PRIMPOL: variants seen among roughly 807,000 people sequenced by gnomAD.
The protein encoded by PRIMPOL is DNA-directed primase/polymerase protein.
Under a neutral mutation model 63.6 loss-of-function variants are expected in PRIMPOL, and 54 were observed. That is an observed-to-expected ratio of 0.85 (90% CI 0.68 to 1.07). The LOEUF (loss-of-function observed/expected upper bound fraction) is 1.07. Among genes scored for constraint, PRIMPOL ranks in the 50% least tolerant of loss-of-function variants. The pLI, the probability that PRIMPOL is intolerant of heterozygous loss-of-function variation, is 0.00. For missense variants in PRIMPOL, 610 were observed against 648.3 expected (o/e 0.94, Z 0.64); for synonymous variants, 197 against 220.2 (o/e 0.89, Z 0.93).
At chr4:184,691,155 T>C (rs1479681745) in intron 11 of PRIMPOL, among the ~76,000 whole-genome samples, 1 of 152,214 alleles carries the variant, frequency 6.6e-6, no homozygotes, top group South Asian at 2.1e-4. Flanking sequence ...ACTGAGAGTA[T>C]GTTTTTTAAA....
At position 184,685,416 on chromosome 4, in the gene PRIMPOL, C is replaced by G. The variant is rs750422745; in HGVS notation, c.1104C>G (p.Thr368=). The change falls in exon 10 of 14, where the codon ACC becomes ACG. Residue 368 remains threonine, a synonymous_variant. Coordinates refer to ENST00000314970, the MANE Select transcript of PRIMPOL (RefSeq NM_152683.4). The part of the protein sequence containing the change: ...YFNSIGTSVE[T]IEGFQCSPYP... ...CCATTCTCTCTGTTGCAGTAGAAAC[C>G]ATTGAAGGTTTTCAGTGTTCTCCCT... 2 of 1,605,518 alleles carry G rather than the reference C, an allele frequency of 1.2e-6. No individual in the cohort carries two copies. Among genetic ancestry groups the G allele is most frequent in the Non-Finnish European group, 1.7e-6 (2 of 1,172,418 alleles).
chr4:184,691,749 G>A (rs570397803), intron 13 of PRIMPOL, 37 bp downstream of exon 13: 4 of 1,509,964 alleles, frequency 2.6e-6, no homozygotes, highest in African/African-American at 1.4e-5. Flanking sequence ...CCTTACCAGG[G>A]AGTTCTTGGT....
At chr4:184,667,404 G>A (rs145607534) in intron 6 of PRIMPOL, among the ~76,000 whole-genome samples, 3,974 of 151,848 alleles carry the variant, frequency 0.026, 190 homozygotes, top group African/African-American at 0.091. Context: ...TCCGCCTCCC[G>A]GGTTCAAGCG....
intron 6 of PRIMPOL, among the ~76,000 whole-genome samples, chr4:184,668,388 C>G (rs1472131398): frequency 1.3e-5 from 2 of 152,278 alleles, no homozygotes; most frequent in Non-Finnish European, 2.9e-5. Flanking sequence ...CTGATTCTGC[C>G]ACCTGTGTGC....
At chr4:184,679,364 G>A (rs1754988108) in intron 8 of PRIMPOL, among the ~76,000 whole-genome samples, 1 of 152,182 alleles carries the variant, frequency 6.6e-6, no homozygotes. Context: ...GCTGAGGTAG[G>A]AGGATCACTT....
rs531726279 is a variant in PRIMPOL, at chr4:184,690,643, A to G, written c.1296-856A>G. Among the ~76,000 whole-genome samples, 6 of 152,224 alleles carry G rather than the reference A, an allele frequency of 3.9e-5. No individual in the cohort carries two copies. In the South Asian group the frequency reaches 1.2e-3, roughly 32 times the overall value. On this transcript the variant is annotated intron_variant, in intron 11 of 13. Coordinates refer to ENST00000314970, the MANE Select transcript of PRIMPOL (RefSeq NM_152683.4). ...CCCAGCTAATTTTTGTATTTTCAGTATAGACGGGGTTTCACTATGTTGGCC... is the reference window on the plus strand; with the variant it reads ...CCCAGCTAATTTTTGTATTTTCAGTGTAGACGGGGTTTCACTATGTTGGCC...
Position 184,685,650 on chromosome 4 carries a change from A to T in PRIMPOL, c.1261A>T (p.Asn421Tyr). The change falls in exon 11 of 14, where the codon AAC becomes TAC. Residue 421 changes from asparagine to tyrosine, a missense_variant. This residue lies in a region of PRIMPOL where 444 missense variants were observed against 456.4 expected (regional missense o/e 0.97). Coordinates refer to ENST00000314970, the MANE Select transcript of PRIMPOL (RefSeq NM_152683.4). Reference protein sequence around the residue: ...YDICKYRWCENIGRAHKSNNI... With the variant: ...YDICKYRWCEYIGRAHKSNNI... ...TATTTGTAAATATCGGTGGTGTGAA[A>T]ACATTGGAAGAGCCCATAAGAGTAA... The T allele has an allele frequency of 6.2e-7, 1 of 1,605,308 alleles. No individual in the cohort carries two copies. The highest frequency in any genetic ancestry group is 8.5e-7 in the Non-Finnish European group (1 of 1,172,270).
In PRIMPOL at chr4:184,678,289, G is replaced by C. The variant is rs200656576; in HGVS notation, c.902G>C (p.Arg301Pro). ...RLYKSSKIGK[R>P]VALEVTEDNK... is the part of the protein sequence containing the mutation. ...TATAAATCATCAAAAATTGGAAAGC[G>C]TGTGGCTTTGGAGGTTACTGAAGAT... Residue 301 changes from arginine (R) to proline (P), a missense_variant, in exon 8 of 14, where the codon CGT (arginine) becomes CCT (proline). By Grantham distance (103) the Arg-to-Pro change is moderately radical. Around this residue, in one of 3 missense-constraint regions of PRIMPOL, gnomAD observed 444 missense variants for 456.4 expected, o/e 0.97. Coordinates refer to ENST00000314970, the MANE Select transcript of PRIMPOL (RefSeq NM_152683.4). 5 of 1,604,338 alleles carry C rather than the reference G, an allele frequency of 3.1e-6. No individual in the cohort carries two copies. The highest frequency in any genetic ancestry group is 2.3e-5 in the East Asian group (1 of 44,186).
At chr4:184,684,301 CA>C (rs1317192546) in intron 9 of PRIMPOL, among the ~76,000 whole-genome samples, 3 of 151,970 alleles carry the variant, frequency 2.0e-5, no homozygotes, top group Non-Finnish European at 4.4e-5. Context: ...ACTAAAAATA[CA>C]AAAATTAGCA....
chr4:184,683,922 A>T (rs1756326569), intron 9 of PRIMPOL, among the ~76,000 whole-genome samples: 1 of 150,906 alleles, frequency 6.6e-6, no homozygotes, highest in South Asian at 2.1e-4. Context: ...CCCATTTGTG[A>T]TGTTAAAAGA....
chr4:184,668,393 G>A (rs985513348), intron 6 of PRIMPOL, among the ~76,000 whole-genome samples: 31 of 152,262 alleles, frequency 2.0e-4, no homozygotes, highest in African/African-American at 7.5e-4. Context: ...TCTGCCACCT[G>A]TGTGCCTCAA....
At chr4:184,651,808 C>T (rs1351627602) in intron 1 of PRIMPOL, among the ~76,000 whole-genome samples, 2 of 152,152 alleles carry the variant, frequency 1.3e-5, no homozygotes, top group South Asian at 4.1e-4. Flanking sequence ...ACCACTAGGC[C>T]CAGCTAATTT....
rs1553985960 is a variant in PRIMPOL, at chr4:184,654,453, G to GT, written c.-60+2368dup. On this transcript the variant is annotated intron_variant, in intron 2 of 13. Coordinates refer to ENST00000314970, the MANE Select transcript of PRIMPOL (RefSeq NM_152683.4). ...CACTTTGTATTGACAAGTTAAAGCA[G>GT]TTTTTTTTTTTTTTTGAGACAGAGT... Among the ~76,000 whole-genome samples the GT allele has an allele frequency of 2.1e-4, 7 of 33,556 alleles. 1 individual carries two copies. The highest frequency in any genetic ancestry group is 6.6e-4 in the African/African-American group (6 of 9,074). The allele number at this position is 33,556 out of a possible 152,430, so 22.0% of individuals were successfully genotyped here.
chr4:184,652,233 A>G, intron 2 of PRIMPOL, 133 bp downstream of exon 2: 1 of 152,194 alleles, frequency 6.6e-6, no homozygotes, highest in Non-Finnish European at 1.5e-5. Context: ...TTAGGGCCAG[A>G]TTCTGGAGGG....
At chr4:184,683,588 T>G (rs1018814724) in intron 9 of PRIMPOL, among the ~76,000 whole-genome samples, 6 of 152,216 alleles carry the variant, frequency 3.9e-5, no homozygotes, top group African/African-American at 1.4e-4. Context: ...CATTTGCTAT[T>G]TAACCTAGAA....
At chr4:184,658,024 AAATAAATAAAT>A (rs1747012606) in intron 3 of PRIMPOL, among the ~76,000 whole-genome samples, 2 of 149,292 alleles carry the variant, frequency 1.3e-5, no homozygotes, top group Non-Finnish European at 1.5e-5. Flanking sequence ...ATAAATAAAT[AAATAAATAAAT>A]ATCACTAAAT....
intron 6 of PRIMPOL, among the ~76,000 whole-genome samples, chr4:184,670,736 C>G (rs773473082): frequency 2.6e-4 from 40 of 151,756 alleles, no homozygotes; most frequent in African/African-American, 6.3e-4. Flanking sequence ...TTAGTAGAGA[C>G]GCGGTTTCAC....
chr4:184,677,667 CACAA>C (rs1754480306), intron 7 of PRIMPOL, among the ~76,000 whole-genome samples: 1 of 152,122 alleles, frequency 6.6e-6, no homozygotes, highest in Non-Finnish European at 1.5e-5. Flanking sequence ...TGCCGGTTTA[CACAA>C]ACAAATCCTG....
At chr4:184,683,792 T>C (rs1240989641) in intron 9 of PRIMPOL, among the ~76,000 whole-genome samples, 1 of 152,220 alleles carries the variant, frequency 6.6e-6, no homozygotes, top group African/African-American at 2.4e-5. Flanking sequence ...TATATTGTTA[T>C]TTATAATAGC....
Sources: gnomAD v4.1 joint callset for allele counts (sites outside exome capture counted in the v4.1 genomes callset) on GRCh38, gnomAD v4.1.1 for gene constraint, gnomAD v4.1.1 regional missense constraint, MANE v1.5 for transcripts, NCBI Gene and HGNC (gene_info 2026-07-23, HGNC 2026-07-21) for gene names.